Variants in ZSCAN25 observed in about 807,000 individuals in gnomAD.
The protein encoded by ZSCAN25 is zinc finger and SCAN domain containing 25, also known as zinc finger and SCAN domain-containing protein 25.
A neutral mutation model predicts 38.7 loss-of-function variants in ZSCAN25; 27 were observed. The ratio of observed to expected loss-of-function variants is 0.70; its 90% CI spans 0.51 to 0.96. The LOEUF is 0.96. ZSCAN25 is among the 40% of genes least tolerant of loss of function. ZSCAN25 has a pLI of 0.00. For synonymous variants in ZSCAN25, 273 were observed against 277.7 expected, an observed-to-expected ratio of 0.98 and a Z score of 0.17; for missense variants, 637 against 705.9, an observed-to-expected ratio of 0.90 and a Z score of 1.11.
the ZSCAN25 span, among the ~76,000 whole-genome samples, chr7:99,642,987 T>C: frequency 6.6e-6 from 1 of 152,204 alleles, no homozygotes; most frequent in East Asian, 1.9e-4. Context: ...GGAGATATTA[T>C]TATTATTCTC....
At chr7:99,643,741 G>A in the ZSCAN25 span, among the ~76,000 whole-genome samples, 5 of 151,826 alleles carry the variant, frequency 3.3e-5, no homozygotes, top group Non-Finnish European at 5.9e-5. Context: ...CTGGGGAAGG[G>A]AGTTGTGAGA....
At chr7:99,617,633 T>G (rs1806582766) in intron 1 of ZSCAN25, among the ~76,000 whole-genome samples, 1 of 152,182 alleles carries the variant, frequency 6.6e-6, no homozygotes, top group Non-Finnish European at 1.5e-5. Flanking sequence ...TAGTCCCAGC[T>G]ACTCGGGAGG....
chr7:99,715,701 A>G, the ZSCAN25 span: 1 of 1,612,314 alleles, frequency 6.2e-7, no homozygotes, highest in Non-Finnish European at 8.5e-7. Flanking sequence ...TTTACATCTC[A>G]ATAAAGCAGT....
At chr7:99,655,778 T>C in the ZSCAN25 span, among the ~76,000 whole-genome samples, 1 of 152,248 alleles carries the variant, frequency 6.6e-6, no homozygotes, top group African/African-American at 2.4e-5. Flanking sequence ...GTAATTCTCC[T>C]TGAAGAGGTC....
At chr7:99,658,273 C>T in the ZSCAN25 span, among the ~76,000 whole-genome samples, 1 of 152,104 alleles carries the variant, frequency 6.6e-6, no homozygotes, top group African/African-American at 2.4e-5. Flanking sequence ...TTAGGGCAGG[C>T]CTGGTGGTGA....
the ZSCAN25 span, chr7:99,666,547 G>A: frequency 6.4e-7 from 1 of 1,570,128 alleles, no homozygotes; most frequent in East Asian, 2.2e-5. Context: ...TCCATGGCAG[G>A]CAGCTGGAAG....
the ZSCAN25 span, among the ~76,000 whole-genome samples, chr7:99,736,012 C>T: frequency 6.6e-6 from 1 of 152,194 alleles, no homozygotes; most frequent in East Asian, 1.9e-4. Flanking sequence ...GATTTGTCCT[C>T]TGTGATTCTG....
the ZSCAN25 span, among the ~76,000 whole-genome samples, chr7:99,657,413 T>G: frequency 6.6e-6 from 1 of 152,240 alleles, no homozygotes; most frequent in African/African-American, 2.4e-5. Flanking sequence ...TTCTGAATCC[T>G]GAGTTCTAGT....
At chr7:99,633,959 A>G (rs780266969), downstream of ZSCAN25, among the ~76,000 whole-genome samples, 6 of 152,116 alleles carry the variant, frequency 3.9e-5, no homozygotes, top group Admixed American at 6.6e-5. Flanking sequence ...AGTGGGTGCT[A>G]TTTATTATGC....
At chr7:99,661,348 A>G in the ZSCAN25 span, among the ~76,000 whole-genome samples, 1 of 152,240 alleles carries the variant, frequency 6.6e-6, no homozygotes, top group Non-Finnish European at 1.5e-5. Context: ...CTTAAGCAGC[A>G]TGGATTACAT....
At chr7:99,642,746 C>T in the ZSCAN25 span, among the ~76,000 whole-genome samples, 1 of 152,270 alleles carries the variant, frequency 6.6e-6, no homozygotes, top group African/African-American at 2.4e-5. Flanking sequence ...GTTTTTGTTT[C>T]CTGTTCTACC....
At chr7:99,683,821 ACT>A in the ZSCAN25 span, among the ~76,000 whole-genome samples, 2 of 151,466 alleles carry the variant, frequency 1.3e-5, no homozygotes, top group Non-Finnish European at 2.9e-5. Flanking sequence ...CCATCATGAC[ACT>A]CTCTTTTCTA....
At chr7:99,628,828 C>T (rs1807722601) in intron 7 of ZSCAN25, among the ~76,000 whole-genome samples, 1 of 152,188 alleles carries the variant, frequency 6.6e-6, no homozygotes, top group Admixed American at 6.5e-5. Flanking sequence ...CCAACAAAGT[C>T]ACATGTAAAT....
the ZSCAN25 span, among the ~76,000 whole-genome samples, chr7:99,637,935 C>T: frequency 6.6e-6 from 1 of 152,142 alleles, no homozygotes; most frequent in Non-Finnish European, 1.5e-5. Flanking sequence ...TAAAAAAAAT[C>T]AATTATTACA....
chr7:99,714,698 A>T, the ZSCAN25 span: 1 of 1,609,766 alleles, frequency 6.2e-7, no homozygotes, highest in South Asian at 1.1e-5. Context: ...GAAAAAAAAA[A>T]CCAACAGAAA....
At chr7:99,647,217 T>G in the ZSCAN25 span, among the ~76,000 whole-genome samples, 56 of 152,342 alleles carry the variant, frequency 3.7e-4, no homozygotes, top group Non-Finnish European at 6.3e-4. Flanking sequence ...ACCCCTTCTC[T>G]GATTGCTTGG....
chr7:99,649,928 C>T, the ZSCAN25 span: 3 of 1,021,222 alleles, frequency 2.9e-6, no homozygotes, highest in Non-Finnish European at 4.2e-6. Context: ...AGAACTGAAG[C>T]ATCCTTAATG....
At chr7:99,702,955 C>A in the ZSCAN25 span, among the ~76,000 whole-genome samples, 3 of 152,092 alleles carry the variant, frequency 2.0e-5, no homozygotes, top group Admixed American at 6.6e-5. Context: ...ATAGAGATCT[C>A]TCTCTTCTTT....
chr7:99,660,266 C>T, the ZSCAN25 span: 4 of 134,702 alleles, frequency 3.0e-5, no homozygotes, highest in South Asian at 1.8e-4. Flanking sequence ...ATTGTGATAA[C>T]AGTAAACAGG....
Sources: allele counts gnomAD v4.1 joint callset (sites outside exome capture counted in the v4.1 genomes callset), GRCh38; gene constraint gnomAD v4.1.1; transcripts MANE v1.5; gene names NCBI Gene and HGNC (gene_info 2026-07-23, HGNC 2026-07-21).